The following LUC7L variants were observed in gnomAD, a reference collection of about 807,000 sequenced individuals.
LUC7L encodes the protein putative RNA-binding protein Luc7-like 1.
LUC7L carries 29 observed loss-of-function variants against 51.1 expected under a neutral mutation model. The ratio of observed to expected loss-of-function variants is 0.57; its 90% CI spans 0.42 to 0.77. The LOEUF (loss-of-function observed/expected upper bound fraction) is 0.77, where lower values mean the gene tolerates loss of function less well. LUC7L is among the 30% of genes least tolerant of loss of function. The probability of loss-of-function intolerance (pLI) is 0.00; values close to 1 mark genes in which losing one functional copy is unlikely to be tolerated. For synonymous variants in LUC7L, 181 were observed against 180.7 expected, an observed-to-expected ratio of 1.00 and a Z score of -0.01; for missense variants, 403 against 511.9, an observed-to-expected ratio of 0.79 and a Z score of 2.05.
intron 3 of LUC7L, among the ~76,000 whole-genome samples, chr16:219,269 A>T (rs559917445): frequency 6.6e-6 from 1 of 152,134 alleles, no homozygotes; most frequent in East Asian, 1.9e-4. Flanking sequence ...CATGCCTGTC[A>T]TCCCAGCTAC....
At chr16:199,778 AAG>A (rs1272878628) in intron 5 of LUC7L, among the ~76,000 whole-genome samples, 4 of 146,610 alleles carry the variant, frequency 2.7e-5, no homozygotes, top group Non-Finnish European at 4.5e-5. Flanking sequence ...AAAAAAAAAA[AAG>A]AGAGATCGAG....
At position 190,524 on chromosome 16, in the gene LUC7L, T is replaced by C. The variant is rs377217523; in HGVS notation, c.806+17A>G. On this transcript the variant is annotated intron_variant, in intron 8 of 9. Transcript: ENST00000293872. The stretch of plus-strand genomic sequence containing the variant: ...AAAAAAAAATTTGAGAACATTTTAA[T>C]GGACCTGGAAACCTACCTCCTGCGA... The C allele has an allele frequency of 1.9e-6, 3 of 1,613,356 alleles. No homozygotes were observed. Among genetic ancestry groups the C allele is most frequent in the Non-Finnish European group, 1.7e-6 (2 of 1,179,570 alleles).
intron 3 of LUC7L, among the ~76,000 whole-genome samples, chr16:210,117 A>G (rs1158357794): frequency 2.0e-5 from 3 of 152,170 alleles, no homozygotes; most frequent in Admixed American, 6.6e-5. Context: ...GAGAAACCCC[A>G]TCTCTACTAA....
rs147056169 is a variant in LUC7L at position 194,189 on chromosome 16, G to C, written c.688-1174C>G. On this transcript the variant is annotated intron_variant, in intron 6 of 9. Transcript: ENST00000293872. ...CGCAATCACAGCTCACCGGAGCCTT[G>C]ACCTCCCAGGCTCAAGCAAGCCTCT... Among the ~76,000 whole-genome samples, 1,132 of 151,922 alleles carry C rather than the reference G, an allele frequency of 7.5e-3. 14 individuals carry two copies. Among genetic ancestry groups the C allele is most frequent in the African/African-American group, 0.025 (1,053 of 41,424 alleles).
At chr16:189,424 C>T in intron 9 of LUC7L, 85 bp from the exon 10 acceptor site, 1 of 1,489,364 alleles carries the variant, frequency 6.7e-7, no homozygotes, top group Non-Finnish European at 8.9e-7. Flanking sequence ...ACCCGCAGAC[C>T]AGGCCAGGCA....
chr16:189,829 T>C, intron 9 of LUC7L, 139 bp downstream of exon 9: 1 of 1,447,432 alleles, frequency 6.9e-7, no homozygotes, highest in Non-Finnish European at 9.1e-7. Flanking sequence ...CACACCTGAG[T>C]CCCGTTCACG....
chr16:205,836 G>A (rs758807491), intron 5 of LUC7L, among the ~76,000 whole-genome samples, 168 bp downstream of exon 5: 9 of 152,158 alleles, frequency 5.9e-5, no homozygotes, highest in Admixed American at 2.6e-4. Flanking sequence ...TGATCCGCCC[G>A]CCTCGGCCTT....
chr16:219,071 C>T (rs1342665501), intron 3 of LUC7L, among the ~76,000 whole-genome samples: 1 of 152,046 alleles, frequency 6.6e-6, no homozygotes, highest in Non-Finnish European at 1.5e-5. Flanking sequence ...GCCCTCCAGC[C>T]TGGGTGACAG....
At chr16:203,527 C>T (rs369385064) in intron 5 of LUC7L, among the ~76,000 whole-genome samples, 45 of 151,890 alleles carry the variant, frequency 3.0e-4, no homozygotes, top group Non-Finnish European at 5.3e-4. Context: ...GACAACATGG[C>T]GAAACCCAGT....
intron 3 of LUC7L, among the ~76,000 whole-genome samples, chr16:217,308 C>T (rs1489426013): frequency 6.6e-6 from 1 of 152,138 alleles, no homozygotes; most frequent in Non-Finnish European, 1.5e-5. Flanking sequence ...TAAGCCACTG[C>T]ACACGGTCCA....
rs768303617 is a variant in LUC7L at position 189,984 on chromosome 16, G to A, written c.958C>T (p.Arg320Ter). 1.1e-5 allele frequency: 18 copies of A among 1,612,442 alleles called. No homozygotes were observed. Among genetic ancestry groups the A allele is most frequent in the Non-Finnish European group, 1.4e-5 (17 of 1,178,788 alleles). The change falls in exon 9 of 10, where the codon CGA (arginine) becomes TGA (stop). Residue 320 changes from arginine (R) to a stop codon, truncating the protein, a stop_gained. Transcript: ENST00000293872. LOFTEE classifies it high-confidence loss of function. ...AGTAGTTACTTGTATTTCGCACTTC[G>A]GTCCCGGGAAGCCCGACGATGTCCC... is the stretch of plus-strand genomic sequence containing the variant. ...SRGHRRASRD[R>*]SAKYKFSRER...
chr16:219,447 C>T (rs537015971), intron 3 of LUC7L, among the ~76,000 whole-genome samples: 2 of 152,118 alleles, frequency 1.3e-5, no homozygotes, highest in African/African-American at 4.8e-5. Flanking sequence ...CAGACATGGT[C>T]GTGTGCATCT....
chr16:224,454 G>C (rs937568527), intron 2 of LUC7L, among the ~76,000 whole-genome samples: 1 of 151,300 alleles, frequency 6.6e-6, no homozygotes, highest in African/African-American at 2.4e-5. Flanking sequence ...GGGAGGCGGA[G>C]CTTGCAGTGA....
chr16:209,690 G>A (rs2049584524), intron 3 of LUC7L: 1 of 152,074 alleles, frequency 6.6e-6, no homozygotes, highest in African/African-American at 2.4e-5. Context: ...AGATGAGAAG[G>A]CAGATGACAG....
chr16:222,669 G>A (rs1156525460), intron 2 of LUC7L, among the ~76,000 whole-genome samples: 1 of 148,676 alleles, frequency 6.7e-6, no homozygotes, highest in East Asian at 2.0e-4. Flanking sequence ...ATGGAGTTTC[G>A]CTCTTGTTGC....
At position 193,026 on chromosome 16, in the gene LUC7L, G is replaced by T. The variant is rs775356263; in HGVS notation, c.688-11C>A. On this transcript the variant is annotated splice_polypyrimidine_tract_variant and intron_variant, in intron 6 of 9. Transcript: ENST00000293872. ...TTCAGCGACAGTTTTCTAAATAAATGAAACAAAAAATGAGGAAGAGCAAGT... is the reference window on the plus strand; with the variant it reads ...TTCAGCGACAGTTTTCTAAATAAATTAAACAAAAAATGAGGAAGAGCAAGT... The T allele has an allele frequency of 1.2e-6, 2 of 1,609,252 alleles. No individual in the cohort carries two copies. Among genetic ancestry groups the T allele is most frequent in the Non-Finnish European group, 8.5e-7 (1 of 1,178,056 alleles).
chr16:195,425 C>A (rs2049121934), intron 6 of LUC7L, among the ~76,000 whole-genome samples: 1 of 151,720 alleles, frequency 6.6e-6, no homozygotes, highest in Non-Finnish European at 1.5e-5. Context: ...AGAGGGAGAC[C>A]CTGTCTCTGA....
intron 3 of LUC7L, chr16:208,964 G>C (rs1004308398): frequency 2.6e-5 from 4 of 152,144 alleles, no homozygotes; most frequent in African/African-American, 9.7e-5. Flanking sequence ...GTGAGGCCAA[G>C]GTGGGCGGAT....
chr16:226,308 T>C (rs1323387799), intron 2 of LUC7L, among the ~76,000 whole-genome samples: 4 of 152,224 alleles, frequency 2.6e-5, no homozygotes, highest in East Asian at 1.9e-4. Context: ...AATGAGAGGA[T>C]AGTTTTTAAC....
Sources: allele counts gnomAD v4.1 joint callset (sites outside exome capture counted in the v4.1 genomes callset), GRCh38; gene constraint gnomAD v4.1.1; transcripts MANE v1.5; gene names NCBI Gene and HGNC (gene_info 2026-07-23, HGNC 2026-07-21).